The following KIAA1217 variants were observed in gnomAD, a reference collection of about 807,000 sequenced individuals.
KIAA1217 encodes the protein sickle tail protein homolog.
KIAA1217 carries 88 observed loss-of-function variants against 163.9 expected under a neutral mutation model. The ratio of observed to expected loss-of-function variants is 0.54; its 90% CI spans 0.45 to 0.64. The LOEUF is 0.64. Ranked by LOEUF, KIAA1217 falls within the 30% of genes least tolerant of loss-of-function variation. KIAA1217 has a pLI of 0.00. For synonymous variants in KIAA1217, 903 were observed against 923.1 expected, an observed-to-expected ratio of 0.98 and a Z score of 0.39; for missense variants, 2,372 against 2,475.0, an observed-to-expected ratio of 0.96 and a Z score of 0.88.
chr10:24,304,087 G>A (rs189645329), intron 2 of KIAA1217, among the ~76,000 whole-genome samples: 1 of 149,668 alleles, frequency 6.7e-6, no homozygotes, highest in East Asian at 2.0e-4. Context: ...CAAGTTGGTT[G>A]ACTCAACAGC....
chr10:24,292,973 A>G (rs2079244449), intron 2 of KIAA1217, among the ~76,000 whole-genome samples: 1 of 152,166 alleles, frequency 6.6e-6, no homozygotes, highest in Admixed American at 6.6e-5. Context: ...CAGAAGGCCA[A>G]TTTCTACATG....
intron 2 of KIAA1217, among the ~76,000 whole-genome samples, chr10:24,099,737 C>A: frequency 7.5e-6 from 1 of 134,074 alleles, no homozygotes; most frequent in African/African-American, 2.8e-5. Context: ...TATCCCTCCC[C>A]CCTCCCCCCA....
At chr10:24,185,120 A>T (rs1275508740) in intron 2 of KIAA1217, among the ~76,000 whole-genome samples, 2 of 152,206 alleles carry the variant, frequency 1.3e-5, no homozygotes, top group Admixed American at 1.3e-4. Context: ...CCAATCTCTC[A>T]TCTAGAAGGG....
At chr10:24,497,337 C>T (rs950391068) in intron 8 of KIAA1217, among the ~76,000 whole-genome samples, 33 of 152,142 alleles carry the variant, frequency 2.2e-4, no homozygotes, top group Non-Finnish European at 4.7e-4. Context: ...TCATTTAACA[C>T]ACAAAACCCT....
chr10:24,042,169 T>TTA (rs1321865274), intron 2 of KIAA1217: 2 of 152,076 alleles, frequency 1.3e-5, no homozygotes, highest in Non-Finnish European at 2.9e-5. Context: ...ATACTGTAAC[T>TTA]GTGTCCGTTG....
chr10:24,541,762 AT>A (rs2075127633), intron 17 of KIAA1217, among the ~76,000 whole-genome samples: 1 of 152,212 alleles, frequency 6.6e-6, no homozygotes. Context: ...TCACTCCTGA[AT>A]CTTGGTGAGA....
chr10:24,474,126 A>G, intron 6 of KIAA1217, 66 bp downstream of exon 6: 4 of 1,207,920 alleles, frequency 3.3e-6, no homozygotes, highest in Non-Finnish European at 4.7e-6. Flanking sequence ...GCAGCTCTAC[A>G]GGGGTCAAAC....
intron 1 of KIAA1217, among the ~76,000 whole-genome samples, chr10:23,824,656 A>T (rs865964680): frequency 0.065 from 5,178 of 79,928 alleles, 393 homozygotes; most frequent in Non-Finnish European, 0.082. Context: ...AAAAATAAAA[A>T]AAATATATAT....
intron 2 of KIAA1217, among the ~76,000 whole-genome samples, chr10:24,178,623 T>G (rs981578210): frequency 3.9e-5 from 6 of 152,278 alleles, no homozygotes; most frequent in Admixed American, 3.9e-4. Flanking sequence ...ATAAAATAAG[T>G]AAAGGGAGGA....
chr10:24,468,463 C>G (rs1029894829), intron 5 of KIAA1217, among the ~76,000 whole-genome samples: 5 of 152,320 alleles, frequency 3.3e-5, no homozygotes, highest in African/African-American at 1.2e-4. Context: ...AAGAATTCTG[C>G]CAAGACTTCC....
At chr10:23,819,359 CCTT>C (rs991271145) in intron 1 of KIAA1217, among the ~76,000 whole-genome samples, 4 of 152,090 alleles carry the variant, frequency 2.6e-5, no homozygotes, top group Admixed American at 2.6e-4. Context: ...TACCTCTTCT[CCTT>C]CTGAATTCAG....
chr10:24,496,058 T>C (rs2066745651), intron 8 of KIAA1217, among the ~76,000 whole-genome samples: 1 of 152,252 alleles, frequency 6.6e-6, no homozygotes, highest in Non-Finnish European at 1.5e-5. Flanking sequence ...CACATTCAGA[T>C]ACTAAATTAC....
chr10:23,712,950 G>A (rs1235466562), intron 1 of KIAA1217, among the ~76,000 whole-genome samples: 3 of 152,126 alleles, frequency 2.0e-5, no homozygotes, highest in African/African-American at 7.2e-5. Flanking sequence ...ACCTGAAGCA[G>A]CCAAGGGGGT....
At chr10:24,376,229 C>G (rs543015557) in intron 2 of KIAA1217, among the ~76,000 whole-genome samples, 5 of 152,148 alleles carry the variant, frequency 3.3e-5, no homozygotes, top group Non-Finnish European at 5.9e-5. Flanking sequence ...GGAGCAGGTG[C>G]TATAGGATAA....
intron 2 of KIAA1217, among the ~76,000 whole-genome samples, chr10:24,144,024 C>T (rs556163628): frequency 6.6e-6 from 1 of 152,146 alleles, no homozygotes; most frequent in South Asian, 2.1e-4. Flanking sequence ...TTGTTATCTG[C>T]AGTATTAGAC....
At chr10:24,140,674 A>T (rs1371975813) in intron 2 of KIAA1217, among the ~76,000 whole-genome samples, 2 of 152,170 alleles carry the variant, frequency 1.3e-5, no homozygotes, top group African/African-American at 4.8e-5. Context: ...TTATTTCTAG[A>T]ATTTTCCATT....
At chr10:24,358,386 C>T (rs909862934) in intron 2 of KIAA1217, among the ~76,000 whole-genome samples, 2 of 152,124 alleles carry the variant, frequency 1.3e-5, no homozygotes, top group Non-Finnish European at 2.9e-5. Context: ...CTTTGTAGAA[C>T]ACCGGGCAGG....
chr10:24,021,998 T>G (rs1205962548), intron 2 of KIAA1217, among the ~76,000 whole-genome samples: 3 of 151,502 alleles, frequency 2.0e-5, no homozygotes, highest in African/African-American at 7.3e-5. Context: ...AAAGATAATA[T>G]AGGAGAAAAT....
chr10:23,968,345 T>C (rs935483687), intron 1 of KIAA1217, among the ~76,000 whole-genome samples: 6 of 152,196 alleles, frequency 3.9e-5, no homozygotes, highest in African/African-American at 1.4e-4. Context: ...ATATGCTTGA[T>C]AGGGAAGGCT....
Sources: gnomAD v4.1 joint callset for allele counts (sites outside exome capture counted in the v4.1 genomes callset) on GRCh38, gnomAD v4.1.1 for gene constraint, MANE v1.5 for transcripts, NCBI Gene and HGNC (gene_info 2026-07-23, HGNC 2026-07-21) for gene names.